The following ITGA11 variants were observed in gnomAD, a reference collection of about 807,000 sequenced individuals.
The protein encoded by ITGA11 is integrin subunit alpha 11, also known as integrin alpha-11.
In ITGA11, 97 loss-of-function variants were observed where a neutral mutation model predicts 141.9. The ratio of observed to expected loss-of-function variants is 0.68; its 90% CI spans 0.58 to 0.81. ITGA11 has a LOEUF of 0.81. Among genes scored for constraint, ITGA11 ranks in the 30% least tolerant of loss-of-function variants. The probability of loss-of-function intolerance (pLI) is 0.00; values close to 1 mark genes in which losing one functional copy is unlikely to be tolerated. For synonymous variants in ITGA11, 658 were observed against 624.6 expected (o/e 1.05, Z -0.80); for missense variants, 1,387 against 1,559.2 (o/e 0.89, Z 1.86).
chr15:68,392,516 A>C (rs1567154897), intron 2 of ITGA11, among the ~76,000 whole-genome samples: 1 of 152,244 alleles, frequency 6.6e-6, no homozygotes, highest in East Asian at 1.9e-4. Flanking sequence ...GAAGGGCAGC[A>C]TACCAGAAAG....
intron 7 of ITGA11, among the ~76,000 whole-genome samples, chr15:68,354,129 C>T (rs1027152294): frequency 6.6e-6 from 1 of 152,172 alleles, no homozygotes; most frequent in African/African-American, 2.4e-5. Flanking sequence ...TACCACACTC[C>T]ATTCTCCCCA....
At chr15:68,376,501 C>A (rs1437461241) in intron 2 of ITGA11, among the ~76,000 whole-genome samples, 3 of 152,214 alleles carry the variant, frequency 2.0e-5, no homozygotes, top group African/African-American at 7.2e-5. Context: ...CCACAAATAT[C>A]CCAGCACCCA....
intron 1 of ITGA11, among the ~76,000 whole-genome samples, chr15:68,409,107 C>T (rs563518449): frequency 1.2e-4 from 18 of 149,866 alleles, no homozygotes; most frequent in Non-Finnish European, 2.3e-4. Context: ...CTGGCCTCAG[C>T]GCTTTTGCCC....
chr15:68,364,892 G>T, intron 3 of ITGA11, 94 bp from the exon 4 acceptor site: 2 of 1,196,726 alleles, frequency 1.7e-6, no homozygotes, highest in Non-Finnish European at 2.4e-6. Context: ...GTGCCTCCCC[G>T]ATTCTCCCTG....
intron 2 of ITGA11, among the ~76,000 whole-genome samples, chr15:68,377,975 A>G (rs998748818): frequency 2.6e-5 from 4 of 152,248 alleles, no homozygotes; most frequent in Admixed American, 2.0e-4. Context: ...GGGCCTGTGC[A>G]GGCCTCTCCT....
chr15:68,321,504 C>G lies in ITGA11; in HGVS notation c.2323-1G>C. On this transcript the variant is annotated splice_acceptor_variant, in intron 18 of 29. Coordinates refer to ENST00000315757, the MANE Select transcript of ITGA11 (RefSeq NM_001004439.2). LOFTEE classifies it high-confidence loss of function. This position sits in a 1 kb window ranked among gnomAD's most constrained non-coding sequence, Gnocchi z 4.9. ...CATTGCAGCCGTTCCAGAAGGGCAC[C>G]TGGGCCAGGGAGAGCCAGGTGTGGG... The G allele has an allele frequency of 6.3e-7, 1 of 1,595,156 alleles. No homozygotes were observed. The highest frequency in any genetic ancestry group is 1.1e-5 in the South Asian group (1 of 88,414).
intron 1 of ITGA11, among the ~76,000 whole-genome samples, chr15:68,413,394 A>G (rs189923595): frequency 6.6e-6 from 1 of 152,262 alleles, no homozygotes; most frequent in East Asian, 1.9e-4. Context: ...TTTGGGGTCT[A>G]TGGAGCTCCA....
At chr15:68,355,900 C>G (rs932557483) in intron 7 of ITGA11, among the ~76,000 whole-genome samples, 1 of 152,076 alleles carries the variant, frequency 6.6e-6, no homozygotes, top group Admixed American at 6.5e-5. Context: ...AATCTAAATG[C>G]CTTTGACACA....
chr15:68,323,577 A>G (rs1403482773), intron 18 of ITGA11, among the ~76,000 whole-genome samples: 1 of 152,230 alleles, frequency 6.6e-6, no homozygotes, highest in Admixed American at 6.5e-5. Context: ...GCTGGGGGCT[A>G]GAAATCCAGA....
rs1256078723 is a variant in ITGA11 at position 68,301,231 on chromosome 15, T to G, written c.*1828A>C. The G allele has an allele frequency of 6.6e-6, 1 of 152,266 alleles. No individual in the cohort carries two copies. Among genetic ancestry groups the G allele is most frequent in the Non-Finnish European group, 1.5e-5 (1 of 68,054 alleles). 9.4% of individuals were successfully genotyped at this position (152,266 alleles called of 1,614,324 possible). Reference sequence around the variant, plus strand: ...GGGAGCCTAGGGCTCTTCCTGGTTCTGAGTGTCCTCATTTATGCAAAAACA... The same window carrying G: ...GGGAGCCTAGGGCTCTTCCTGGTTCGGAGTGTCCTCATTTATGCAAAAACA... On this transcript the variant is annotated 3_prime_UTR_variant, in exon 30 of 30. Coordinates refer to ENST00000315757, the MANE Select transcript of ITGA11 (RefSeq NM_001004439.2). The surrounding 1 kb of genome is among the most constrained non-coding windows in gnomAD (Gnocchi z 4.4).
At chr15:68,369,822 G>A (rs1360292546) in intron 2 of ITGA11, among the ~76,000 whole-genome samples, 1 of 152,250 alleles carries the variant, frequency 6.6e-6, no homozygotes, top group Admixed American at 6.5e-5. Flanking sequence ...CCATGCAGCT[G>A]GGGCTCCTGC....
At position 68,301,459 on chromosome 15, in the gene ITGA11, C is replaced by T. The variant is rs7176148; in HGVS notation, c.*1600G>A. On this transcript the variant is annotated 3_prime_UTR_variant, in exon 30 of 30. Transcript: ENST00000315757. The surrounding 1 kb of genome is among the most constrained non-coding windows in gnomAD (Gnocchi z 4.4). ...GAAACATTTAGGTCCTAACCGTCCA[C>T]ACTGGCCATAGATGGAAGGGTGATC... is the stretch of plus-strand genomic sequence containing the variant. 1 of 152,224 alleles carries T rather than the reference C, an allele frequency of 6.6e-6. No homozygotes were observed. The highest frequency in any genetic ancestry group is 1.5e-5 in the Non-Finnish European group (1 of 68,080). The allele number at this position is 152,224 out of a possible 1,614,324, so 9.4% of individuals were successfully genotyped here.
At chr15:68,394,509 T>C (rs1171107978) in intron 2 of ITGA11, among the ~76,000 whole-genome samples, 1 of 151,410 alleles carries the variant, frequency 6.6e-6, no homozygotes, top group Non-Finnish European at 1.5e-5. Flanking sequence ...AGAAAAAGGG[T>C]CAGAAAATCA....
intron 2 of ITGA11, among the ~76,000 whole-genome samples, chr15:68,381,049 C>T (rs552819809): frequency 6.6e-6 from 1 of 152,154 alleles, no homozygotes; most frequent in Non-Finnish European, 1.5e-5. Context: ...GAGGGCCACT[C>T]TCAGTGTAAG....
At chr15:68,404,556 G>A (rs1896594696) in intron 1 of ITGA11, among the ~76,000 whole-genome samples, 3 of 152,152 alleles carry the variant, frequency 2.0e-5, no homozygotes, top group African/African-American at 7.2e-5. Flanking sequence ...ATCATTTGCT[G>A]TCACAGGACC....
rs183115402 is a variant in ITGA11, at chr15:68,300,908, T to A, written c.*2151A>T. 36 of 152,324 alleles carry A rather than the reference T, an allele frequency of 2.4e-4. No homozygotes were observed. In the East Asian group the frequency reaches 6.0e-3, roughly 25 times the overall value. 9.4% of individuals were successfully genotyped at this position (152,324 alleles called of 1,614,324 possible). ...AAATCAGATATCCATAAGAGCATTC[T>A]CAGATCTGATGATATTTGATGGACG... On this transcript the variant is annotated 3_prime_UTR_variant, in exon 30 of 30. Transcript: ENST00000315757.
At chr15:68,367,043 T>C (rs775075158) in intron 3 of ITGA11, among the ~76,000 whole-genome samples, 1 of 152,180 alleles carries the variant, frequency 6.6e-6, no homozygotes, top group Non-Finnish European at 1.5e-5. Context: ...ACAGATGTTC[T>C]TTCTGCCATG....
intron 10 of ITGA11, among the ~76,000 whole-genome samples, chr15:68,343,543 G>C (rs1371965300): frequency 1.3e-5 from 2 of 152,188 alleles, no homozygotes; most frequent in African/African-American, 2.4e-5. Context: ...CCAGGTGCCA[G>C]TAATTCTTCC....
intron 7 of ITGA11, among the ~76,000 whole-genome samples, chr15:68,355,900 C>T (rs932557483): frequency 6.6e-6 from 1 of 152,076 alleles, no homozygotes; most frequent in African/African-American, 2.4e-5. Context: ...AATCTAAATG[C>T]CTTTGACACA....
Sources: allele counts gnomAD v4.1 joint callset (sites outside exome capture counted in the v4.1 genomes callset), GRCh38; gene constraint gnomAD v4.1.1; non-coding constraint Gnocchi (gnomAD v3.1); transcripts MANE v1.5; gene names NCBI Gene and HGNC (gene_info 2026-07-23, HGNC 2026-07-21).